The following RC3H1 variants were observed in gnomAD, a reference collection of about 807,000 sequenced individuals.
RC3H1 encodes ring finger and CCCH-type domains 1.
A neutral mutation model predicts 138.2 loss-of-function variants in RC3H1; 50 were observed. That is an observed-to-expected ratio of 0.36 (90% CI 0.29 to 0.46). The LOEUF is 0.46. RC3H1 is among the 20% of genes least tolerant of loss of function. The pLI is 1.00. For synonymous variants in RC3H1, 462 were observed against 489.1 expected, an observed-to-expected ratio of 0.94 and a Z score of 0.73; for missense variants, 1,031 against 1,388.1, an observed-to-expected ratio of 0.74 and a Z score of 4.09.
chr1:174,015,249 C>CT (rs372400145), intron 1 of RC3H1, among the ~76,000 whole-genome samples: 4,989 of 139,816 alleles, frequency 0.036, 132 homozygotes, highest in African/African-American at 0.059. Context: ...AATTATAGGC[C>CT]TTTTTTTTTT....
chr1:173,972,781 T>C (rs140483983), intron 7 of RC3H1, among the ~76,000 whole-genome samples, 154 bp from the exon 8 acceptor site: 1 of 152,368 alleles, frequency 6.6e-6, no homozygotes, highest in East Asian at 1.9e-4. Flanking sequence ...ACCATCATTT[T>C]AAAGGAATGG....
intron 18 of RC3H1, chr1:173,941,592 G>A: frequency 2.3e-6 from 1 of 431,210 alleles, no homozygotes. Flanking sequence ...CAATAAGACA[G>A]ACAATGCCTC....
intron 9 of RC3H1, among the ~76,000 whole-genome samples, chr1:173,968,708 A>G (rs1180996699): frequency 1.3e-5 from 2 of 152,270 alleles, no homozygotes; most frequent in East Asian, 3.9e-4. Flanking sequence ...TTACTAGCAG[A>G]AAATTTTGCT....
At chr1:173,970,089 T>C (rs2102965235) in intron 9 of RC3H1, among the ~76,000 whole-genome samples, 1 of 152,312 alleles carries the variant, frequency 6.6e-6, no homozygotes, top group Middle Eastern at 3.4e-3. Context: ...CCAGAAGTGT[T>C]TCAAGATTTG....
intron 3 of RC3H1, 90 bp from the exon 4 acceptor site, chr1:173,983,747 G>T: frequency 7.4e-7 from 1 of 1,346,178 alleles, no homozygotes; most frequent in Non-Finnish European, 1.0e-6. Context: ...TTGTGGGTAT[G>T]TGACTAGTTC....
At chr1:173,992,460 A>G (rs1212227386) in intron 2 of RC3H1, among the ~76,000 whole-genome samples, 1 of 152,014 alleles carries the variant, frequency 6.6e-6, no homozygotes, top group African/African-American at 2.4e-5. Flanking sequence ...AGGTTTCTCT[A>G]GCGATCTGCA....
rs1411145782 is a variant in RC3H1, at chr1:173,946,761, C to A, written c.2813G>T (p.Gly938Val). The A allele has an allele frequency of 2.5e-6, 4 of 1,613,362 alleles. No individual in the cohort carries two copies. The highest frequency in any genetic ancestry group is 3.4e-6 in the Non-Finnish European group (4 of 1,179,436). Residue 938 changes from glycine (G) to valine (V), a missense_variant, in exon 16 of 20, where the codon GGA becomes GTA. Transcript: ENST00000367696. ...TGACTCATACCTCTCACTGAAGTGTCCCTGAGAAGGTATGTTTTGATGAGG... is the reference window on the plus strand; with the variant it reads ...TGACTCATACCTCTCACTGAAGTGTACCTGAGAAGGTATGTTTTGATGAGG... ...YSPHQNIPSQ[G>V]HFSERERISM...
At position 174,018,061 on chromosome 1, in the gene RC3H1, A is replaced by T. The variant is rs529568819; in HGVS notation, c.-151+4035T>A. Among the ~76,000 whole-genome samples, 201 of 152,120 alleles carry T rather than the reference A, an allele frequency of 1.3e-3. 1 individual carries two copies. The highest frequency in any genetic ancestry group is 1.8e-3 in the Non-Finnish European group (123 of 68,006). ...TATCTCTATAAAAATAATAAAAATT[A>T]AAAAAAGTAGCCAGGTAAGGCGGGA... On this transcript the variant is annotated intron_variant, in intron 1 of 19. Coordinates refer to ENST00000367696, the MANE Select transcript of RC3H1 (RefSeq NM_172071.4).
chr1:173,939,707 C>T (rs1467069720), intron 19 of RC3H1, among the ~76,000 whole-genome samples: 2 of 150,994 alleles, frequency 1.3e-5, no homozygotes, highest in Admixed American at 6.6e-5. Context: ...TGGTGGCACG[C>T]GCCTGTAGTC....
At chr1:173,985,063 T>C (rs1354071302) in intron 2 of RC3H1, among the ~76,000 whole-genome samples, 2 of 152,222 alleles carry the variant, frequency 1.3e-5, no homozygotes, top group Admixed American at 6.5e-5. Flanking sequence ...GCAAAATCAA[T>C]ACAATAAATA....
At chr1:174,014,297 G>A (rs541192562) in intron 1 of RC3H1, among the ~76,000 whole-genome samples, 130 of 152,252 alleles carry the variant, frequency 8.5e-4, no homozygotes, top group African/African-American at 2.9e-3. Flanking sequence ...AGAGGAAACC[G>A]TGGGGGACAG....
intron 9 of RC3H1, among the ~76,000 whole-genome samples, chr1:173,968,728 A>T (rs1473109698): frequency 1.3e-5 from 2 of 152,128 alleles, no homozygotes; most frequent in East Asian, 3.8e-4. Flanking sequence ...TTTATCCTTG[A>T]CTTTAATGAG....
At chr1:173,979,358 C>A (rs1330082581) in intron 6 of RC3H1, among the ~76,000 whole-genome samples, 2 of 152,164 alleles carry the variant, frequency 1.3e-5, no homozygotes, top group African/African-American at 4.8e-5. Context: ...AAAAGACAAG[C>A]CAAGCCAGGC....
intron 7 of RC3H1, among the ~76,000 whole-genome samples, chr1:173,975,464 C>G (rs953050511): frequency 2.6e-5 from 4 of 151,952 alleles, no homozygotes; most frequent in African/African-American, 9.7e-5. Context: ...TTCTAAAAGA[C>G]TATCAATTGT....
intron 7 of RC3H1, among the ~76,000 whole-genome samples, chr1:173,974,624 T>A (rs1660498450): frequency 6.6e-6 from 1 of 151,194 alleles, no homozygotes; most frequent in Non-Finnish European, 1.5e-5. Flanking sequence ...CCTGGCATGT[T>A]GCATGGAGGT....
At chr1:173,945,714 G>A (rs1311288039) in intron 17 of RC3H1, among the ~76,000 whole-genome samples, 2 of 146,764 alleles carry the variant, frequency 1.4e-5, no homozygotes, top group African/African-American at 2.5e-5. Flanking sequence ...TCAAAGTTCT[G>A]TTTTTTTTTT....
At chr1:173,973,534 CAA>C (rs558441818) in intron 7 of RC3H1, among the ~76,000 whole-genome samples, 21 of 89,942 alleles carry the variant, frequency 2.3e-4, no homozygotes, top group Non-Finnish European at 1.8e-4. Flanking sequence ...AACTCCATCT[CAA>C]AAAAAAAAAA....
rs1658552767 is a variant in RC3H1 at position 173,935,676 on chromosome 1, C to T, written c.*3045G>A. ...GTTATGCCCAAATATGCCATTTGTC[C>T]TTACAGGCTCATGATATCACAGAGA... On this transcript the variant is annotated 3_prime_UTR_variant, in exon 20 of 20. Coordinates refer to ENST00000367696, the MANE Select transcript of RC3H1 (RefSeq NM_172071.4). 2 of 151,800 alleles carry T rather than the reference C, an allele frequency of 1.3e-5. No individual in the cohort carries two copies. Among genetic ancestry groups the T allele is most frequent in the African/African-American group, 4.8e-5 (2 of 41,336 alleles). 9.4% of individuals were successfully genotyped at this position (151,800 alleles called of 1,614,324 possible).
chr1:174,010,283 T>C (rs368178460), intron 1 of RC3H1, among the ~76,000 whole-genome samples: 2 of 152,182 alleles, frequency 1.3e-5, no homozygotes, highest in East Asian at 3.8e-4. Flanking sequence ...CCCTTAGTCA[T>C]TCATTCAAAA....
Sources: allele counts gnomAD v4.1 joint callset (sites outside exome capture counted in the v4.1 genomes callset), GRCh38; gene constraint gnomAD v4.1.1; transcripts MANE v1.5; gene names NCBI Gene and HGNC (gene_info 2026-07-23, HGNC 2026-07-21).